MECOM: variants seen among roughly 807,000 people sequenced by gnomAD.
MECOM encodes histone-lysine N-methyltransferase MECOM.
A neutral mutation model predicts 116.3 loss-of-function variants in MECOM; 13 were observed. The ratio of observed to expected loss-of-function variants is 0.11; its 90% CI spans 0.07 to 0.18. MECOM has a LOEUF of 0.18. MECOM is among the 10% of genes least tolerant of loss of function. The pLI, the probability that MECOM is intolerant of heterozygous loss-of-function variation, is 1.00. For missense variants in MECOM, 1,299 were observed against 1,509.0 expected (o/e 0.86, Z 2.31); for synonymous variants, 528 against 535.2 (o/e 0.99, Z 0.19).
intron 1 of MECOM, among the ~76,000 whole-genome samples, chr3:169,659,329 G>T (rs1560546428): frequency 6.7e-6 from 1 of 150,222 alleles, no homozygotes; most frequent in Admixed American, 6.6e-5. Flanking sequence ...AATAAAAAAA[G>T]AAGCCTTGCT....
chr3:169,329,778 G>T (rs373399196), intron 2 of MECOM, among the ~76,000 whole-genome samples: 2 of 152,172 alleles, frequency 1.3e-5, no homozygotes, highest in South Asian at 2.1e-4. Flanking sequence ...CTGTTAAAGC[G>T]CTGCTGCCCA....
intron 1 of MECOM, chr3:169,463,970 T>C (rs1421545006): frequency 6.6e-6 from 1 of 152,112 alleles, no homozygotes; most frequent in African/African-American, 2.4e-5. Flanking sequence ...CTAATGAAGG[T>C]TCCTCCTTAA....
chr3:169,471,051 C>T (rs1037316389), intron 1 of MECOM, among the ~76,000 whole-genome samples: 1 of 152,044 alleles, frequency 6.6e-6, no homozygotes, highest in Non-Finnish European at 1.5e-5. Flanking sequence ...AACCCTTCTC[C>T]ACACAACTTC....
chr3:169,186,241 G>C (rs915780669), intron 2 of MECOM, among the ~76,000 whole-genome samples: 2 of 151,760 alleles, frequency 1.3e-5, no homozygotes, highest in Non-Finnish European at 2.9e-5. Context: ...CAGTATATGG[G>C]CTAAAACATT....
chr3:169,257,358 T>C (rs1340483309), intron 2 of MECOM, among the ~76,000 whole-genome samples: 1 of 152,230 alleles, frequency 6.6e-6, no homozygotes, highest in Non-Finnish European at 1.5e-5. Context: ...AATTTGCATG[T>C]GTCTTCCAGA....
chr3:169,653,153 G>A lies in MECOM; in HGVS notation c.37+10183C>T, dbSNP rs1775120368. Among the ~76,000 whole-genome samples the A allele has an allele frequency of 2.0e-5, 3 of 152,158 alleles. 1 individual carries two copies. Among genetic ancestry groups the A allele is most frequent in the Admixed American group, 2.0e-4 (3 of 15,280 alleles). ...TCAATTGTGGATTTAGTATGCACTT[G>A]AAATGTCAGATATCCCAGAATTCTG... On this transcript the variant is annotated intron_variant, in intron 1 of 16. Coordinates refer to ENST00000651503, the MANE Select transcript of MECOM (RefSeq NM_004991.4).
At chr3:169,188,981 A>G (rs1747142505) in intron 2 of MECOM, among the ~76,000 whole-genome samples, 1 of 152,068 alleles carries the variant, frequency 6.6e-6, no homozygotes, top group South Asian at 2.1e-4. Context: ...TCACATTTAT[A>G]TTTGCATCCT....
intron 2 of MECOM, chr3:169,146,387 C>G: frequency 3.6e-6 from 5 of 1,388,472 alleles, no homozygotes; most frequent in Non-Finnish European, 4.8e-6. Flanking sequence ...TTGTGCGTCC[C>G]CGAAACCGAC....
chr3:169,249,290 A>C (rs1475148872), intron 2 of MECOM, among the ~76,000 whole-genome samples: 1 of 152,206 alleles, frequency 6.6e-6, no homozygotes, highest in Non-Finnish European at 1.5e-5. Context: ...GATTGCATCC[A>C]AATCATCCCT....
intron 2 of MECOM, among the ~76,000 whole-genome samples, chr3:169,189,682 G>A (rs567610585): frequency 5.9e-5 from 9 of 152,028 alleles, no homozygotes; most frequent in South Asian, 2.1e-4. Flanking sequence ...GAAGTTATTC[G>A]TAATCATGCC....
At chr3:169,100,812 T>A in intron 12 of MECOM, 73 bp downstream of exon 12, 1 of 846,448 alleles carries the variant, frequency 1.2e-6, no homozygotes, top group Non-Finnish European at 1.6e-6. Flanking sequence ...ACTTTAATTA[T>A]TATTTTATTA....
chr3:169,300,261 G>T (rs1716460454), intron 2 of MECOM, among the ~76,000 whole-genome samples: 1 of 152,102 alleles, frequency 6.6e-6, no homozygotes, highest in Non-Finnish European at 1.5e-5. Flanking sequence ...AGCCACTAAA[G>T]ATTGAATTTC....
chr3:169,485,837 A>T (rs570279610), intron 1 of MECOM, among the ~76,000 whole-genome samples: 1 of 140,342 alleles, frequency 7.1e-6, no homozygotes, highest in Non-Finnish European at 1.5e-5. Context: ...ATGTATATAT[A>T]TGTGTGTGTG....
rs76899158 is a variant in MECOM, at chr3:169,512,387, C to T, written c.38-130863G>A. Among the ~76,000 whole-genome samples, 773 of 152,352 alleles carry T rather than the reference C, an allele frequency of 5.1e-3. 1 individual carries two copies. The highest frequency in any genetic ancestry group is 0.01 in the Admixed American group (158 of 15,304). ...TTGTTCAGACTTAGCCCTATCTCCT[C>T]ACATCTCTTTCTTCCTCATCTCTGT... On this transcript the variant is annotated intron_variant, in intron 1 of 16. Coordinates refer to ENST00000651503, the MANE Select transcript of MECOM (RefSeq NM_004991.4).
chr3:169,479,754 C>A (rs1235060711), intron 1 of MECOM, among the ~76,000 whole-genome samples: 1 of 151,360 alleles, frequency 6.6e-6, no homozygotes, highest in Non-Finnish European at 1.5e-5. Context: ...TGCCTAATGT[C>A]TTCTAAATTT....
intron 1 of MECOM, among the ~76,000 whole-genome samples, chr3:169,419,627 A>C (rs1311975008): frequency 6.6e-6 from 1 of 152,226 alleles, no homozygotes; most frequent in Non-Finnish European, 1.5e-5. Context: ...TTAAAGATTT[A>C]AATGTAAGAC....
chr3:169,630,782 T>A (rs1005558353), intron 1 of MECOM, among the ~76,000 whole-genome samples: 6 of 152,310 alleles, frequency 3.9e-5, no homozygotes, highest in African/African-American at 1.4e-4. Flanking sequence ...ACAGCAGCAT[T>A]TTGAATCTTT....
chr3:169,119,889 A>G (rs1730423947), intron 7 of MECOM, among the ~76,000 whole-genome samples: 1 of 152,212 alleles, frequency 6.6e-6, no homozygotes, highest in Admixed American at 6.5e-5. Flanking sequence ...ACAGAAGAGC[A>G]TATGAGCAAA....
intron 2 of MECOM, among the ~76,000 whole-genome samples, chr3:169,254,243 T>A (rs1003969868): frequency 2.6e-5 from 4 of 152,138 alleles, no homozygotes; most frequent in African/African-American, 9.7e-5. Flanking sequence ...GTCTAGCACA[T>A]CCAAGTAGCA....
Sources: gnomAD v4.1 joint callset for allele counts (sites outside exome capture counted in the v4.1 genomes callset) on GRCh38, gnomAD v4.1.1 for gene constraint, MANE v1.5 for transcripts, NCBI Gene and HGNC (gene_info 2026-07-23, HGNC 2026-07-21) for gene names.